ZHX2: variants seen among roughly 807,000 people sequenced by gnomAD.
ZHX2 encodes the protein zinc fingers and homeoboxes protein 2.
In ZHX2, 6 loss-of-function variants were observed where a neutral mutation model predicts 21.9. The ratio of observed to expected loss-of-function variants is 0.27; its 90% CI spans 0.15 to 0.54. The LOEUF is 0.54. Among genes scored for constraint, ZHX2 ranks in the 20% least tolerant of loss-of-function variants. ZHX2 has a pLI of 0.95. For synonymous variants in ZHX2, 434 were observed against 437.1 expected, an observed-to-expected ratio of 0.99 and a Z score of 0.09; for missense variants, 908 against 1,090.7, an observed-to-expected ratio of 0.83 and a Z score of 2.36.
At chr8:122,902,892 A>G (rs1243992128) in intron 2 of ZHX2, among the ~76,000 whole-genome samples, 1 of 152,244 alleles carries the variant, frequency 6.6e-6, no homozygotes, top group African/African-American at 2.4e-5. Context: ...TCTTTGGGTC[A>G]GTTCCCTAAC....
intron 1 of ZHX2, among the ~76,000 whole-genome samples, chr8:122,784,812 T>G (rs1041703971): frequency 1.3e-5 from 2 of 152,226 alleles, no homozygotes; most frequent in Non-Finnish European, 2.9e-5. Flanking sequence ...CCAGGTAAGT[T>G]AGCTAACTTG....
At chr8:122,884,859 C>T (rs1220098811) in intron 2 of ZHX2, among the ~76,000 whole-genome samples, 5 of 152,134 alleles carry the variant, frequency 3.3e-5, no homozygotes, top group East Asian at 1.9e-4. Flanking sequence ...TGGAGGCAAG[C>T]GCCATAAACA....
chr8:122,834,702 G>T (rs1039789555), intron 1 of ZHX2, among the ~76,000 whole-genome samples: 1 of 152,218 alleles, frequency 6.6e-6, no homozygotes, highest in African/African-American at 2.4e-5. Flanking sequence ...GAGATGAACC[G>T]AAGGTTTAAG....
intron 2 of ZHX2, among the ~76,000 whole-genome samples, chr8:122,868,197 G>A (rs1038945296): frequency 1.3e-5 from 2 of 152,156 alleles, no homozygotes; most frequent in African/African-American, 4.8e-5. Context: ...GGAGATTCAG[G>A]ACAGGAAGGG....
chr8:122,813,824 G>C (rs1817977545), intron 1 of ZHX2, among the ~76,000 whole-genome samples: 3 of 152,006 alleles, frequency 2.0e-5, no homozygotes, highest in Non-Finnish European at 4.4e-5. Context: ...TTTTTATTAG[G>C]GATGCTTAAC....
At chr8:122,855,442 G>A (rs938303773) in intron 1 of ZHX2, among the ~76,000 whole-genome samples, 1 of 152,072 alleles carries the variant, frequency 6.6e-6, no homozygotes, top group Admixed American at 6.5e-5. Context: ...GTCAGAGTGT[G>A]CCCCTAGCTA....
In ZHX2 at chr8:122,952,827, A is replaced by G. The variant is rs767507790; in HGVS notation, c.1317A>G (p.Thr439=). 4 of 1,613,856 alleles carry G rather than the reference A, an allele frequency of 2.5e-6. No individual in the cohort carries two copies. The highest frequency in any genetic ancestry group is 1.3e-5 in the African/African-American group (1 of 74,908). ...CCAAGGTGGCCAACCCCCCGCTCAC[A>G]CCAGCCAGTGACCGCAAGAAGACAA... ...PPPKVANPPL[T]PASDRKKTKE... The change falls in exon 3 of 4, where the codon ACA becomes ACG. Residue 439 remains threonine (T), a synonymous_variant. Coordinates refer to ENST00000314393, the MANE Select transcript of ZHX2 (RefSeq NM_014943.5). This position sits in a 1 kb window ranked among gnomAD's most constrained non-coding sequence, Gnocchi z 6.9.
At chr8:122,930,646 T>G (rs13271094) in intron 2 of ZHX2, among the ~76,000 whole-genome samples, 2 of 150,030 alleles carry the variant, frequency 1.3e-5, no homozygotes, top group Admixed American at 6.6e-5. Context: ...TAATTTTTGT[T>G]TTTTTTTTTT....
chr8:122,903,511 G>A (rs1317469655), intron 2 of ZHX2, among the ~76,000 whole-genome samples: 1 of 152,232 alleles, frequency 6.6e-6, no homozygotes, highest in African/African-American at 2.4e-5. Flanking sequence ...AATGGGTCTT[G>A]TGTGCAGGGA....
At chr8:122,962,464 T>G (rs1813480486) in intron 3 of ZHX2, among the ~76,000 whole-genome samples, 1 of 152,234 alleles carries the variant, frequency 6.6e-6, no homozygotes, top group Non-Finnish European at 1.5e-5. Context: ...TTCATTCCTT[T>G]TTATGGCTGA....
intron 1 of ZHX2, among the ~76,000 whole-genome samples, chr8:122,845,266 G>C (rs1818729040): frequency 6.6e-6 from 1 of 152,254 alleles, no homozygotes; most frequent in Non-Finnish European, 1.5e-5. Context: ...TTGGCACAAA[G>C]TAAGGTTAAT....
intron 2 of ZHX2, among the ~76,000 whole-genome samples, chr8:122,882,854 C>T (rs1819746718): frequency 6.6e-6 from 1 of 151,982 alleles, no homozygotes; most frequent in Non-Finnish European, 1.5e-5. Context: ...TGGTGGTGCA[C>T]ACCTGTAATC....
intron 1 of ZHX2, among the ~76,000 whole-genome samples, chr8:122,786,877 C>A (rs1391464756): frequency 1.3e-5 from 2 of 152,160 alleles, no homozygotes; most frequent in Non-Finnish European, 2.9e-5. Flanking sequence ...TGTGCACATG[C>A]CCCTTTGGTA....
intron 1 of ZHX2, among the ~76,000 whole-genome samples, chr8:122,804,509 C>G (rs1224717435): frequency 6.6e-6 from 1 of 152,178 alleles, no homozygotes; most frequent in Non-Finnish European, 1.5e-5. Flanking sequence ...GAAAACCTGG[C>G]TCCTATCTTC....
chr8:122,900,042 C>A (rs974443990), intron 2 of ZHX2, among the ~76,000 whole-genome samples: 1 of 152,160 alleles, frequency 6.6e-6, no homozygotes, highest in African/African-American at 2.4e-5. Context: ...TTTTTTGTAG[C>A]TTTCATTTTA....
chr8:122,886,533 C>T (rs1037684880), intron 2 of ZHX2, among the ~76,000 whole-genome samples: 6 of 151,952 alleles, frequency 3.9e-5, no homozygotes. Context: ...CCCACCATGC[C>T]GGATATTCAT....
chr8:122,910,668 G>A (rs374164083), intron 2 of ZHX2, among the ~76,000 whole-genome samples: 5 of 152,034 alleles, frequency 3.3e-5, no homozygotes, highest in African/African-American at 4.8e-5. Context: ...GGGGCAGTAC[G>A]GACCAACCCT....
In ZHX2 at chr8:122,887,671, A is replaced by C. The variant is rs1391188232; in HGVS notation, c.-220+24132A>C. The stretch of plus-strand genomic sequence containing the variant: ...AAAATTAGAAATAACCAAAGCAAAG[A>C]AAAGAAAATGGAAAACCGGAGGTAG... On this transcript the variant is annotated intron_variant, in intron 2 of 3. Coordinates refer to ENST00000314393, the MANE Select transcript of ZHX2 (RefSeq NM_014943.5). 2.6e-5 allele frequency among the ~76,000 whole-genome samples: 4 copies of C among 152,338 alleles called. No individual in the cohort carries two copies. In the East Asian group the frequency reaches 5.8e-4, roughly 22 times the overall value.
At chr8:122,827,771 C>T (rs1285652055) in intron 1 of ZHX2, among the ~76,000 whole-genome samples, 1 of 152,188 alleles carries the variant, frequency 6.6e-6, no homozygotes, top group Non-Finnish European at 1.5e-5. Context: ...AGTGAAAAAA[C>T]CACAATTACA....
Sources: gnomAD v4.1 joint callset for allele counts (sites outside exome capture counted in the v4.1 genomes callset) on GRCh38, gnomAD v4.1.1 for gene constraint, Gnocchi (gnomAD v3.1) non-coding constraint, MANE v1.5 for transcripts, NCBI Gene and HGNC (gene_info 2026-07-23, HGNC 2026-07-21) for gene names.